APOL1: variants seen among roughly 807,000 people sequenced by gnomAD.
The protein encoded by APOL1 is apolipoprotein L 1.
A neutral mutation model predicts 14.9 loss-of-function variants in APOL1; 17 were observed. That is an observed-to-expected ratio of 1.14 (90% confidence interval 0.78 to 1.71). APOL1 has a LOEUF of 1.71. Ranked by LOEUF, APOL1 falls within the 40% of genes most tolerant of loss-of-function variation. The pLI is 0.00. For missense variants in APOL1, 523 were observed against 485.9 expected (o/e 1.08, Z -0.72); for synonymous variants, 195 against 184.8 (o/e 1.05, Z -0.45).
intron 1 of APOL1, chr22:36,254,028 G>A (rs1469783551): frequency 6.2e-7 from 1 of 1,611,600 alleles, no homozygotes; most frequent in Non-Finnish European, 8.5e-7. Flanking sequence ...TTAGATCTCT[G>A]TGTTCATAGA....
At chr22:36,257,478 A>C (rs2015923187) in intron 4 of APOL1, 71 bp downstream of exon 4, 1 of 1,446,308 alleles carries the variant, frequency 6.9e-7, no homozygotes, top group East Asian at 2.3e-5. Context: ...TCCACAGCTG[A>C]GTGAGCCCCA....
rs2016211481 is a variant in APOL1, at chr22:36,265,473, G to C, written c.637G>C (p.Glu213Gln). 1.2e-6 allele frequency: 2 copies of C among 1,613,996 alleles called. No individual in the cohort carries two copies. The highest frequency in any genetic ancestry group is 1.7e-6 in the Non-Finnish European group (2 of 1,180,008). Residue 213 changes from glutamate to glutamine, a missense_variant, in exon 6 of 6, where the codon GAG becomes CAG. Coordinates refer to ENST00000397278, the MANE Select transcript of APOL1 (RefSeq NM_003661.4). ...GSLVLLEPGMELGITAALTGI... is the reference protein window; with the variant it reads ...GSLVLLEPGMQLGITAALTGI... ...CCTTGTACTCTTGGAACCTGGGATGGAGTTGGGAATCACAGCCGCTTTGAC... is the reference window on the plus strand; with the variant it reads ...CCTTGTACTCTTGGAACCTGGGATGCAGTTGGGAATCACAGCCGCTTTGAC...
intron 2 of APOL1, among the ~76,000 whole-genome samples, chr22:36,255,562 T>C (rs199777630): frequency 8.0e-6 from 1 of 125,426 alleles, no homozygotes; most frequent in East Asian, 2.4e-4. Flanking sequence ...CTGCATGGAG[T>C]CCCCAGAAGA....
chr22:36,255,191 T>C (rs890327302), intron 2 of APOL1, among the ~76,000 whole-genome samples, 192 bp downstream of exon 2: 1 of 152,186 alleles, frequency 6.6e-6, no homozygotes, highest in Non-Finnish European at 1.5e-5. Flanking sequence ...ACGGTCAATA[T>C]CCGGCCTCAA....
chr22:36,257,076 C>G lies in APOL1; in HGVS notation c.45-7C>G, dbSNP rs375295197. ...CCTCTGATTATCTTCTCCTCATACC[C>G]CAACAGGATGAGTGCACTTTTCCTT... On this transcript the variant is annotated splice_polypyrimidine_tract_variant and splice_region_variant and intron_variant, in intron 2 of 5. Coordinates refer to ENST00000397278, the MANE Select transcript of APOL1 (RefSeq NM_003661.4). 55 of 1,614,016 alleles carry G rather than the reference C, an allele frequency of 3.4e-5. No homozygotes were observed. Among genetic ancestry groups the G allele is most frequent in the Non-Finnish European group, 4.7e-5 (55 of 1,180,020 alleles).
chr22:36,265,440 G>T lies in APOL1; in HGVS notation c.604G>T (p.Gly202Ter). 2 of 1,614,104 alleles carry T rather than the reference G, an allele frequency of 1.2e-6. No individual in the cohort carries two copies. The highest frequency in any genetic ancestry group is 1.7e-6 in the Non-Finnish European group (2 of 1,180,012). ...VGMGLAPFTE[G>*]GSLVLLEPGM... ...CATGGGTCTGGCACCCTTCACAGAG[G>T]GAGGCAGCCTTGTACTCTTGGAACC... The change falls in exon 6 of 6, where the codon GGA becomes TGA. Residue 202 changes from glycine to a stop codon, truncating the protein, a stop_gained. Coordinates refer to ENST00000397278, the MANE Select transcript of APOL1 (RefSeq NM_003661.4). LOFTEE classifies it low-confidence loss of function (END_TRUNC).
chr22:36,259,889 A>T lies in APOL1; in HGVS notation c.188-1707A>T. Reference sequence around the variant, plus strand: ...TACTCAATGCTGTGGAGTTTGAGACATTATTTTTAAACTTTAAATAGCCCC... The same window carrying T: ...TACTCAATGCTGTGGAGTTTGAGACTTTATTTTTAAACTTTAAATAGCCCC... On this transcript the variant is annotated intron_variant, in intron 4 of 5. Coordinates refer to ENST00000397278, the MANE Select transcript of APOL1 (RefSeq NM_003661.4). The T allele has an allele frequency of 3.8e-6, 5 of 1,302,460 alleles. 1 individual carries two copies. In the South Asian group the frequency reaches 6.2e-5, roughly 16 times the overall value. The allele number at this position is 1,302,460 out of a possible 1,614,324, so 80.7% of individuals were successfully genotyped here. A position where few individuals can be genotyped will look rare whatever the true frequency, so the allele number is the denominator to read the frequency against.
At chr22:36,256,602 C>T (rs139340260) in intron 2 of APOL1, among the ~76,000 whole-genome samples, 1 of 152,268 alleles carries the variant, frequency 6.6e-6, no homozygotes, top group Non-Finnish European at 1.5e-5. Flanking sequence ...ACAGGCTGTC[C>T]AGTGCAGCAC....
At chr22:36,259,610 C>A (rs1556624935) in intron 4 of APOL1, 2 of 1,250,744 alleles carry the variant, frequency 1.6e-6, no homozygotes, top group Non-Finnish European at 1.0e-6. Context: ...AAGGGCTGGG[C>A]TGGGGGACTG....
At chr22:36,259,496 C>G (rs919908772) in intron 4 of APOL1, among the ~76,000 whole-genome samples, 1 of 152,150 alleles carries the variant, frequency 6.6e-6, no homozygotes, top group Non-Finnish European at 1.5e-5. Context: ...GCTCAGGAGC[C>G]GCCCTGGACA....
chr22:36,261,649 A>G lies in APOL1; in HGVS notation c.241A>G (p.Thr81Ala). 6.2e-7 allele frequency: 1 copy of G among 1,614,134 alleles called. No homozygotes were observed. ...AIKYFKEKVS[T>A]QNLLLLLTDN... ...TAAGTATTTCAAGGAAAAAGTGAGC[A>G]CACAGAATCTGCTACTCCTGCTGAC... Residue 81 changes from threonine (T) to alanine (A), a missense_variant, in exon 5 of 6, where the codon ACA becomes GCA. Thr to Ala is a moderately conservative substitution (Grantham distance 58). Coordinates refer to ENST00000397278, the MANE Select transcript of APOL1 (RefSeq NM_003661.4).
intron 5 of APOL1, among the ~76,000 whole-genome samples, chr22:36,262,798 C>T (rs1301657963): frequency 6.6e-6 from 1 of 152,204 alleles, no homozygotes; most frequent in Non-Finnish European, 1.5e-5. Flanking sequence ...CTGGGCTACC[C>T]TTTGAGACCT....
Position 36,265,823 on chromosome 22 carries a change from G to T in APOL1, c.987G>T (p.Met329Ile). ...ERVNEPSILE[M>I]SRGVKLTDVA... is the part of the protein sequence containing the mutation. ...TTAATGAACCCAGCATCCTGGAAAT[G>T]AGCAGAGGAGTCAAGCTCACGGATG... Residue 329 changes from methionine (M) to isoleucine (I), a missense_variant, in exon 6 of 6, where the codon ATG becomes ATT. By Grantham distance (10) the Met-to-Ile change is conservative. Coordinates refer to ENST00000397278, the MANE Select transcript of APOL1 (RefSeq NM_003661.4). 6.2e-7 allele frequency: 1 copy of T among 1,614,160 alleles called. No homozygotes were observed. Among genetic ancestry groups the T allele is most frequent in the Non-Finnish European group, 8.5e-7 (1 of 1,180,038 alleles).
At position 36,261,634 on chromosome 22, in the gene APOL1, A is replaced by C. The variant is rs1603482145; in HGVS notation, c.226A>C (p.Lys76Gln). The C allele has an allele frequency of 6.2e-7, 1 of 1,613,928 alleles. No individual in the cohort carries two copies. The highest frequency in any genetic ancestry group is 2.2e-5 in the East Asian group (1 of 44,882). The change falls in exon 5 of 6, where the codon AAG becomes CAG. Residue 76 changes from lysine to glutamine, a missense_variant. Coordinates refer to ENST00000397278, the MANE Select transcript of APOL1 (RefSeq NM_003661.4). ...IFIEDAIKYFKEKVSTQNLLL... is the reference protein window; with the variant it reads ...IFIEDAIKYFQEKVSTQNLLL... ...TATTGAGGATGCCATTAAGTATTTC[A>C]AGGAAAAAGTGAGCACACAGAATCT...
chr22:36,255,107 C>A, intron 2 of APOL1, 108 bp downstream of exon 2: 5 of 1,332,546 alleles, frequency 3.8e-6, no homozygotes, highest in South Asian at 1.2e-5. Context: ...CTTCTAGGAA[C>A]CAAAGTCACT....
chr22:36,265,427 A>C lies in APOL1; in HGVS notation c.591A>C (p.Ala197=). Residue 197 remains alanine (A), a synonymous_variant, in exon 6 of 6, where the codon GCA becomes GCC. Coordinates refer to ENST00000397278, the MANE Select transcript of APOL1 (RefSeq NM_003661.4). ...GILTLVGMGL[A]PFTEGGSLVL... is the part of the protein sequence containing the mutation. ...TGACCCTCGTCGGCATGGGTCTGGC[A>C]CCCTTCACAGAGGGAGGCAGCCTTG... 6.2e-7 allele frequency: 1 copy of C among 1,614,002 alleles called. No homozygotes were observed. Among genetic ancestry groups the C allele is most frequent in the Non-Finnish European group, 8.5e-7 (1 of 1,180,008 alleles).
Position 36,266,898 on chromosome 22 carries a change from C to T in APOL1, c.*865C>T, listed in dbSNP as rs2016289365. 1 of 186,306 alleles carries T rather than the reference C, an allele frequency of 5.4e-6. No homozygotes were observed. The highest frequency in any genetic ancestry group is 1.1e-5 in the Non-Finnish European group (1 of 94,972). 11.5% of individuals were successfully genotyped at this position (186,306 alleles called of 1,614,324 possible). A position where few individuals can be genotyped will look rare whatever the true frequency, so the allele number is the denominator to read the frequency against. ...CCAGCCTGGGTGACAGAGCGAGACT[C>T]CATCTCAAAAAAAAAAAAAAAAAGA... On this transcript the variant is annotated 3_prime_UTR_variant, in exon 6 of 6. Transcript: ENST00000397278.
At chr22:36,253,243 C>T in intron 1 of APOL1, 24 bp downstream of exon 1, 1 of 409,666 alleles carries the variant, frequency 2.4e-6, no homozygotes. Flanking sequence ...AGTTGACCTG[C>T]CTCCATCTTA....
chr22:36,261,897 G>A (rs2016088425), intron 5 of APOL1, among the ~76,000 whole-genome samples, 175 bp downstream of exon 5: 1 of 152,218 alleles, frequency 6.6e-6, no homozygotes, highest in Non-Finnish European at 1.5e-5. Flanking sequence ...CGCTGGCAGT[G>A]AGTAGCCTCA....
Sources: gnomAD v4.1 joint callset for allele counts (sites outside exome capture counted in the v4.1 genomes callset) on GRCh38, gnomAD v4.1.1 for gene constraint, MANE v1.5 for transcripts, NCBI Gene and HGNC (gene_info 2026-07-23, HGNC 2026-07-21) for gene names.